SIPA1L2: variants seen among roughly 807,000 people sequenced by gnomAD.
The protein encoded by SIPA1L2 is signal-induced proliferation-associated 1-like protein 2.
Under a neutral mutation model 163.9 loss-of-function variants are expected in SIPA1L2, and 56 were observed. The ratio of observed to expected loss-of-function variants is 0.34; its 90% CI spans 0.28 to 0.43. The LOEUF (loss-of-function observed/expected upper bound fraction) is 0.43, where lower values mean the gene tolerates loss of function less well. Among genes scored for constraint, SIPA1L2 ranks in the 20% least tolerant of loss-of-function variants. The pLI is 1.00. For synonymous variants in SIPA1L2, 877 were observed against 865.7 expected (o/e 1.01, Z -0.23); for missense variants, 1,974 against 2,193.5 (o/e 0.90, Z 2.00).
intron 2 of SIPA1L2, among the ~76,000 whole-genome samples, chr1:232,536,588 G>A (rs955680109): frequency 6.6e-6 from 1 of 152,066 alleles, no homozygotes; most frequent in South Asian, 2.1e-4. Flanking sequence ...ATGAAAGCCA[G>A]CCTACACCAT....
intron 18 of SIPA1L2, among the ~76,000 whole-genome samples, chr1:232,420,128 C>G (rs1661483135): frequency 1.3e-5 from 2 of 152,006 alleles, no homozygotes; most frequent in Admixed American, 6.6e-5. Flanking sequence ...TCGAGACCAA[C>G]CTGGCTAACA....
intron 1 of SIPA1L2, among the ~76,000 whole-genome samples, chr1:232,629,243 T>C (rs934656564): frequency 2.6e-5 from 4 of 152,152 alleles, no homozygotes; most frequent in South Asian, 4.1e-4. Flanking sequence ...AATTAATCTG[T>C]AGGTGTTCCC....
intron 1 of SIPA1L2, among the ~76,000 whole-genome samples, chr1:232,616,047 G>A (rs1328590828): frequency 6.6e-6 from 1 of 152,126 alleles, no homozygotes; most frequent in African/African-American, 2.4e-5. Flanking sequence ...TCAGAAATGG[G>A]GACTTTTAGA....
intron 1 of SIPA1L2, among the ~76,000 whole-genome samples, chr1:232,621,830 A>C (rs2102890604): frequency 6.6e-6 from 1 of 152,142 alleles, no homozygotes; most frequent in East Asian, 1.9e-4. Flanking sequence ...CCTGGGCTCA[A>C]GGGATCGGCC....
intron 1 of SIPA1L2, among the ~76,000 whole-genome samples, 90 bp from the exon 2 acceptor site, chr1:232,574,312 C>T (rs1023458862): frequency 3.3e-5 from 5 of 152,132 alleles, no homozygotes; most frequent in South Asian, 4.1e-4. Flanking sequence ...CCCAGGGGTC[C>T]ACAGGGTCAA....
intron 10 of SIPA1L2, among the ~76,000 whole-genome samples, chr1:232,453,042 T>C (rs185175712): frequency 2.5e-4 from 38 of 152,354 alleles, no homozygotes; most frequent in Non-Finnish European, 4.7e-4. Flanking sequence ...CAGATGTTTA[T>C]AGAGTTCTGG....
chr1:232,466,034 G>A (rs908501900), intron 8 of SIPA1L2, among the ~76,000 whole-genome samples: 4 of 152,086 alleles, frequency 2.6e-5, no homozygotes, highest in African/African-American at 7.2e-5. Context: ...AAGCCACCTA[G>A]CCTGTGGCAT....
Position 232,501,050 on chromosome 1 carries a change from A to ATTTTTTTTTTTTTTTTTTTTTTT in SIPA1L2, c.1484-7413_1484-7391dup, listed in dbSNP as rs60008360. ...TGTTAGCACTTTTTAGCAATGAAGTATTTTTTTTTTTTTTTTTTTTTTTGT... is the reference window on the plus strand; with the variant it reads ...TGTTAGCACTTTTTAGCAATGAAGTATTTTTTTTTTTTTTTTTTTTTTTTTTTTTTTTTTTTTTTTTTTTTTGT... On this transcript the variant is annotated intron_variant, in intron 3 of 22. Coordinates refer to ENST00000674635, the MANE Select transcript of SIPA1L2 (RefSeq NM_020808.5). Among the ~76,000 whole-genome samples, 6 of 78,450 alleles carry ATTTTTTTTTTTTTTTTTTTTTTT rather than the reference A, an allele frequency of 7.6e-5. 1 individual carries two copies. The highest frequency in any genetic ancestry group is 1.4e-4 in the Non-Finnish European group (6 of 43,606). The allele number at this position is 78,450 out of a possible 152,430, so 51.5% of individuals were successfully genotyped here. A position where few individuals can be genotyped will look rare whatever the true frequency, so the allele number is the denominator to read the frequency against.
chr1:232,576,539 C>T (rs534859879), intron 1 of SIPA1L2, among the ~76,000 whole-genome samples: 143 of 152,284 alleles, frequency 9.4e-4, no homozygotes, highest in African/African-American at 3.1e-3. Flanking sequence ...CAATATTGAA[C>T]GTAGGCCAAT....
intron 1 of SIPA1L2, among the ~76,000 whole-genome samples, chr1:232,586,818 A>G (rs150892460): frequency 6.6e-6 from 1 of 152,358 alleles, no homozygotes; most frequent in Non-Finnish European, 1.5e-5. Context: ...AACAGCATCA[A>G]TTACATAACC....
chr1:232,581,169 C>T (rs1174678555), intron 1 of SIPA1L2, among the ~76,000 whole-genome samples: 2 of 152,222 alleles, frequency 1.3e-5, no homozygotes, highest in Non-Finnish European at 2.9e-5. Flanking sequence ...ACATTCCGTT[C>T]TGGTTCTTGT....
intron 1 of SIPA1L2, among the ~76,000 whole-genome samples, chr1:232,612,758 A>C (rs896427367): frequency 1.3e-5 from 2 of 152,116 alleles, no homozygotes; most frequent in African/African-American, 2.4e-5. Context: ...TGGACTGTTA[A>C]CTTTTGGGTT....
intron 1 of SIPA1L2, among the ~76,000 whole-genome samples, chr1:232,576,456 T>C (rs1281162052): frequency 2.0e-5 from 3 of 152,104 alleles, no homozygotes; most frequent in Admixed American, 2.0e-4. Context: ...AATATTGTGT[T>C]CTGATGGCTC....
In SIPA1L2 at chr1:232,433,878, T is replaced by C. The variant is rs75626602; in HGVS notation, c.4032-1407A>G. 0.029 allele frequency among the ~76,000 whole-genome samples: 4,470 copies of C among 152,276 alleles called. 538 individuals are homozygous for C. The East Asian group carries it at 0.4, about 14-fold the overall frequency. ...CAACATCAGCTCTGTCCATTACCACTGCCAGACCCTGGGCAAGTTTCTTAA... is the reference window on the plus strand; with the variant it reads ...CAACATCAGCTCTGTCCATTACCACCGCCAGACCCTGGGCAAGTTTCTTAA... On this transcript the variant is annotated intron_variant, in intron 15 of 22. Coordinates refer to ENST00000674635, the MANE Select transcript of SIPA1L2 (RefSeq NM_020808.5).
At chr1:232,577,680 G>A (rs993226519) in intron 1 of SIPA1L2, among the ~76,000 whole-genome samples, 1 of 152,064 alleles carries the variant, frequency 6.6e-6, no homozygotes, top group Non-Finnish European at 1.5e-5. Flanking sequence ...CTTTGGGGTG[G>A]GGGCTTAACA....
At chr1:232,428,935 T>C (rs1437728153) in intron 16 of SIPA1L2, among the ~76,000 whole-genome samples, 1 of 152,182 alleles carries the variant, frequency 6.6e-6, no homozygotes, top group African/African-American at 2.4e-5. Flanking sequence ...AACGCTTGTG[T>C]GCTCTCGCGG....
intron 10 of SIPA1L2, among the ~76,000 whole-genome samples, chr1:232,453,868 A>T (rs1663733231): frequency 6.6e-6 from 1 of 152,158 alleles, no homozygotes; most frequent in South Asian, 2.1e-4. Flanking sequence ...AAACAAATTA[A>T]ATGTTTTTTT....
intron 2 of SIPA1L2, among the ~76,000 whole-genome samples, chr1:232,525,545 C>T (rs1221800329): frequency 6.6e-6 from 1 of 151,958 alleles, no homozygotes; most frequent in Non-Finnish European, 1.5e-5. Flanking sequence ...CATGAGTCAA[C>T]ACACCCGGCC....
intron 8 of SIPA1L2, among the ~76,000 whole-genome samples, chr1:232,468,121 C>T (rs1372153669): frequency 6.6e-6 from 1 of 152,156 alleles, no homozygotes; most frequent in Non-Finnish European, 1.5e-5. Flanking sequence ...GTTACAAAAG[C>T]TCATAGGATC....
Sources: gnomAD v4.1 joint callset for allele counts (sites outside exome capture counted in the v4.1 genomes callset) on GRCh38, gnomAD v4.1.1 for gene constraint, MANE v1.5 for transcripts, NCBI Gene and HGNC (gene_info 2026-07-23, HGNC 2026-07-21) for gene names.